SUGCT: variants seen among roughly 807,000 people sequenced by gnomAD.
SUGCT encodes the protein succinyl-CoA:glutarate-CoA transferase, also known as succinyl-CoA:glutarate CoA-transferase.
Under a neutral mutation model 55.0 loss-of-function variants are expected in SUGCT, and 41 were observed. That is an observed-to-expected ratio of 0.74 (90% CI 0.58 to 0.97). The LOEUF (loss-of-function observed/expected upper bound fraction) is 0.97, where lower values mean the gene tolerates loss of function less well. SUGCT is among the 50% of genes least tolerant of loss of function. The pLI is 0.00. For synonymous variants in SUGCT, 187 were observed against 200.4 expected, an observed-to-expected ratio of 0.93 and a Z score of 0.56; for missense variants, 568 against 547.8, an observed-to-expected ratio of 1.04 and a Z score of -0.37.
intron 12 of SUGCT, among the ~76,000 whole-genome samples, chr7:40,527,678 T>C (rs1477461845): frequency 1.3e-5 from 2 of 152,188 alleles, no homozygotes; most frequent in Non-Finnish European, 2.9e-5. Context: ...TAGAAGAAAT[T>C]TGTTTAAAGT....
At chr7:40,768,751 A>C (rs1788936139) in intron 13 of SUGCT, among the ~76,000 whole-genome samples, 1 of 152,216 alleles carries the variant, frequency 6.6e-6, no homozygotes, top group African/African-American at 2.4e-5. Flanking sequence ...GCTTGGTGTC[A>C]CATTTATAAA....
At chr7:40,237,502 A>G (rs1789092583) in intron 6 of SUGCT, 133 bp from the exon 7 acceptor site, 1 of 685,840 alleles carries the variant, frequency 1.5e-6, no homozygotes, top group Non-Finnish European at 2.6e-6. Flanking sequence ...GCCTTCTTCA[A>G]GGAATGGTAT....
At chr7:40,744,501 A>G (rs1787631288) in intron 12 of SUGCT, among the ~76,000 whole-genome samples, 1 of 151,952 alleles carries the variant, frequency 6.6e-6, no homozygotes, top group African/African-American at 2.4e-5. Flanking sequence ...GGTAAATCAA[A>G]TAAAGCTTTT....
At chr7:40,872,050 T>C in the SUGCT span, among the ~76,000 whole-genome samples, 2 of 152,168 alleles carry the variant, frequency 1.3e-5, no homozygotes, top group South Asian at 4.1e-4. Context: ...GGATTGCTAC[T>C]GGCATCCAGG....
At chr7:40,617,600 A>G (rs1799069608) in intron 12 of SUGCT, among the ~76,000 whole-genome samples, 1 of 152,100 alleles carries the variant, frequency 6.6e-6, no homozygotes, top group Non-Finnish European at 1.5e-5. Flanking sequence ...TATGAATGCC[A>G]TTATAGAAAT....
chr7:40,472,241 C>CAATT (rs1429291418), intron 11 of SUGCT, among the ~76,000 whole-genome samples: 3 of 152,100 alleles, frequency 2.0e-5, no homozygotes, highest in Non-Finnish European at 2.9e-5. Flanking sequence ...GATAAGTACA[C>CAATT]AATTGCAGAG....
intron 12 of SUGCT, among the ~76,000 whole-genome samples, chr7:40,500,537 T>G (rs993618517): frequency 6.6e-6 from 1 of 152,210 alleles, no homozygotes; most frequent in Non-Finnish European, 1.5e-5. Flanking sequence ...TCCAGAAACC[T>G]TATTCTTCCT....
chr7:40,558,989 G>T (rs1422260528), intron 12 of SUGCT, among the ~76,000 whole-genome samples: 5 of 152,114 alleles, frequency 3.3e-5, no homozygotes, highest in African/African-American at 1.2e-4. Context: ...AAAAAATGCT[G>T]TATGTAAATA....
intron 8 of SUGCT, among the ~76,000 whole-genome samples, chr7:40,302,037 C>T (rs1794566661): frequency 6.6e-6 from 1 of 152,166 alleles, no homozygotes; most frequent in South Asian, 2.1e-4. Context: ...GGTGATGTGG[C>T]TGTGCATTTC....
intron 9 of SUGCT, among the ~76,000 whole-genome samples, chr7:40,337,732 T>C (rs866070744): frequency 2.6e-5 from 4 of 152,254 alleles, no homozygotes; most frequent in South Asian, 2.1e-4. Context: ...TTAATTGGAG[T>C]ATTTAGCCCA....
At chr7:40,954,185 G>A in the SUGCT span, among the ~76,000 whole-genome samples, 1 of 152,176 alleles carries the variant, frequency 6.6e-6, no homozygotes, top group African/African-American at 2.4e-5. Flanking sequence ...CTGCTGCCTT[G>A]CAGTTTGATC....
At chr7:40,249,518 T>G (rs1457969489) in intron 7 of SUGCT, among the ~76,000 whole-genome samples, 1 of 149,956 alleles carries the variant, frequency 6.7e-6, no homozygotes, top group South Asian at 2.1e-4. Flanking sequence ...ATAGAAATTA[T>G]GGGTTCTTAC....
chr7:40,309,341 T>C (rs1795017543), intron 8 of SUGCT, among the ~76,000 whole-genome samples: 1 of 152,158 alleles, frequency 6.6e-6, no homozygotes, highest in African/African-American at 2.4e-5. Context: ...CTCATTCTGT[T>C]GCCCAGGCTA....
intron 6 of SUGCT, among the ~76,000 whole-genome samples, chr7:40,211,536 T>C (rs1787334320): frequency 6.6e-6 from 1 of 152,136 alleles, no homozygotes; most frequent in Admixed American, 6.6e-5. Context: ...ATTTATTACA[T>C]ACACGAGGCA....
At chr7:40,745,466 C>T (rs1787688042) in intron 12 of SUGCT, among the ~76,000 whole-genome samples, 2 of 152,164 alleles carry the variant, frequency 1.3e-5, no homozygotes, top group Non-Finnish European at 2.9e-5. Context: ...ATACATTTTA[C>T]TCTTTCCCCC....
chr7:40,448,950 G>GTATA (rs1244847873), intron 9 of SUGCT, among the ~76,000 whole-genome samples: 296 of 141,972 alleles, frequency 2.1e-3, no homozygotes, highest in African/African-American at 6.4e-3. Flanking sequence ...GTGTGTGTGT[G>GTATA]TATATATATA....
intron 1 of SUGCT, among the ~76,000 whole-genome samples, chr7:40,149,700 C>G (rs1788449824): frequency 1.3e-5 from 2 of 151,988 alleles, no homozygotes; most frequent in African/African-American, 4.8e-5. Context: ...GGTGGATCAC[C>G]TGAGGTCAGG....
At chr7:40,206,297 A>G (rs1451881322) in intron 6 of SUGCT, among the ~76,000 whole-genome samples, 1 of 152,222 alleles carries the variant, frequency 6.6e-6, no homozygotes, top group East Asian at 1.9e-4. Context: ...TAGTGTTTAG[A>G]TAGCATTCAT....
chr7:40,297,661 A>G (rs1324179672), intron 8 of SUGCT, among the ~76,000 whole-genome samples: 1 of 152,206 alleles, frequency 6.6e-6, no homozygotes, highest in Non-Finnish European at 1.5e-5. Context: ...AAAGCTCAAC[A>G]TGAATTAGTA....
Sources: allele counts gnomAD v4.1 joint callset (sites outside exome capture counted in the v4.1 genomes callset), GRCh38; gene constraint gnomAD v4.1.1; transcripts MANE v1.5; gene names NCBI Gene and HGNC (gene_info 2026-07-23, HGNC 2026-07-21).